Variants in GABRB2 observed in about 807,000 individuals in gnomAD.
GABRB2 encodes the protein gamma-aminobutyric acid receptor subunit beta-2.
Under a neutral mutation model 54.7 loss-of-function variants are expected in GABRB2, and 16 were observed. That is an observed-to-expected ratio of 0.29 (90% CI 0.20 to 0.44). The LOEUF is 0.44. GABRB2 is among the 20% of genes least tolerant of loss of function. The pLI is 1.00. For synonymous variants in GABRB2, 244 were observed against 233.8 expected, an observed-to-expected ratio of 1.04 and a Z score of -0.40; for missense variants, 355 against 644.0, an observed-to-expected ratio of 0.55 and a Z score of 4.86.
chr5:161,383,311 A>T (rs143943156), intron 5 of GABRB2, among the ~76,000 whole-genome samples: 2,913 of 151,960 alleles, frequency 0.019, 39 homozygotes, highest in Middle Eastern at 0.082. Context: ...CTCTGTTTTT[A>T]TGAGTTCAAC....
intron 5 of GABRB2, among the ~76,000 whole-genome samples, chr5:161,388,895 T>G (rs906958451): frequency 6.6e-6 from 1 of 152,012 alleles, no homozygotes; most frequent in African/African-American, 2.4e-5. Flanking sequence ...AATATCCATA[T>G]AATGTGCCAT....
At position 161,525,112 on chromosome 5, in the gene GABRB2, T is replaced by C. The variant is rs189847843; in HGVS notation, c.237+20115A>G. Among the ~76,000 whole-genome samples the C allele has an allele frequency of 2.2e-3, 328 of 151,432 alleles. 2 individuals are homozygous for C. The highest frequency in any genetic ancestry group is 6.8e-3 in the Middle Eastern group (2 of 294). ...TATAGTCTCTCTTCTAGCTACTCAA[T>C]TCTGTGTTGGGAGTGCAAAAGCAAG... is the stretch of plus-strand genomic sequence containing the variant. On this transcript the variant is annotated intron_variant, in intron 3 of 9. Coordinates refer to ENST00000393959, the MANE Select transcript of GABRB2 (RefSeq NM_001371727.1).
intron 5 of GABRB2, among the ~76,000 whole-genome samples, chr5:161,404,140 A>G (rs1756281921): frequency 6.6e-6 from 1 of 152,162 alleles, no homozygotes; most frequent in African/African-American, 2.4e-5. Flanking sequence ...GAGGTTCAAC[A>G]TGCACATCCA....
chr5:161,424,622 A>C (rs546633801), intron 4 of GABRB2, among the ~76,000 whole-genome samples: 1 of 152,214 alleles, frequency 6.6e-6, no homozygotes, highest in South Asian at 2.1e-4. Context: ...TTGACAATGC[A>C]CCTGGTCACC....
intron 4 of GABRB2, among the ~76,000 whole-genome samples, chr5:161,428,520 G>A (rs1757078566): frequency 6.6e-6 from 1 of 152,002 alleles, no homozygotes; most frequent in Non-Finnish European, 1.5e-5. Context: ...GGGAGTTAAG[G>A]CAAGTATAAG....
intron 5 of GABRB2, among the ~76,000 whole-genome samples, chr5:161,383,722 C>G (rs1580936664): frequency 6.6e-6 from 1 of 152,162 alleles, no homozygotes; most frequent in South Asian, 2.1e-4. Flanking sequence ...ACATCCAACC[C>G]TCTTCCCCCA....
chr5:161,299,137 C>G (rs1315929222), intron 9 of GABRB2, among the ~76,000 whole-genome samples: 2 of 152,182 alleles, frequency 1.3e-5, no homozygotes, highest in Non-Finnish European at 2.9e-5. Flanking sequence ...AAATATGTCA[C>G]TAAATTTCAG....
At chr5:161,385,067 A>G (rs1367497919) in intron 5 of GABRB2, among the ~76,000 whole-genome samples, 1 of 152,138 alleles carries the variant, frequency 6.6e-6, no homozygotes, top group African/African-American at 2.4e-5. Flanking sequence ...AGCAATCCCC[A>G]GCTGCAGCTG....
chr5:161,503,223 G>T (rs1759502274), intron 3 of GABRB2, among the ~76,000 whole-genome samples: 1 of 151,752 alleles, frequency 6.6e-6, no homozygotes, highest in Non-Finnish European at 1.5e-5. Context: ...AAAAGGATGT[G>T]TATAATAAGA....
intron 9 of GABRB2, among the ~76,000 whole-genome samples, chr5:161,319,995 ATTGT>A (rs1457707875): frequency 6.6e-6 from 1 of 151,444 alleles, no homozygotes; most frequent in African/African-American, 2.4e-5. Flanking sequence ...TTAATGTTTA[ATTGT>A]TATGCTTTTA....
At chr5:161,378,892 T>C (rs1755385229) in intron 5 of GABRB2, among the ~76,000 whole-genome samples, 1 of 152,162 alleles carries the variant, frequency 6.6e-6, no homozygotes, top group Non-Finnish European at 1.5e-5. Flanking sequence ...GAAGGCAACA[T>C]ATGTTGCAAA....
At chr5:161,496,859 G>A (rs191728317) in intron 3 of GABRB2, among the ~76,000 whole-genome samples, 11 of 151,848 alleles carry the variant, frequency 7.2e-5, no homozygotes, top group Admixed American at 6.6e-4. Context: ...ACATCTTTAT[G>A]CCCTTGGCAA....
intron 9 of GABRB2, among the ~76,000 whole-genome samples, chr5:161,312,084 C>T (rs1006773573): frequency 2.0e-5 from 3 of 151,874 alleles, no homozygotes; most frequent in Non-Finnish European, 2.9e-5. Context: ...AACCAAGGTA[C>T]TGACTAAACC....
intron 5 of GABRB2, among the ~76,000 whole-genome samples, chr5:161,392,046 C>G (rs1433565824): frequency 6.6e-6 from 1 of 152,142 alleles, no homozygotes; most frequent in Non-Finnish European, 1.5e-5. Context: ...AATGTGGGGT[C>G]CCTTGCTCAT....
In GABRB2 at chr5:161,359,730, A is replaced by G. The variant is rs183445176; in HGVS notation, c.542-22961T>C. On this transcript the variant is annotated intron_variant, in intron 5 of 9. Transcript: ENST00000393959. The stretch of plus-strand genomic sequence containing the variant: ...ATAACTGGGATTTTTATTAGGCTAG[A>G]AAAGCACTACAGATGAAAGATCAAT... Among the ~76,000 whole-genome samples the G allele has an allele frequency of 1.4e-3, 213 of 152,350 alleles. 1 individual carries two copies. Among genetic ancestry groups the G allele is most frequent in the Admixed American group, 2.0e-3 (31 of 15,298 alleles).
At chr5:161,513,589 T>C (rs1759842564) in intron 3 of GABRB2, among the ~76,000 whole-genome samples, 1 of 151,936 alleles carries the variant, frequency 6.6e-6, no homozygotes, top group Non-Finnish European at 1.5e-5. Flanking sequence ...TGGATACTCA[T>C]GGACATACAG....
At chr5:161,302,044 T>TA (rs1186817458) in intron 9 of GABRB2, among the ~76,000 whole-genome samples, 6 of 152,242 alleles carry the variant, frequency 3.9e-5, no homozygotes, top group Non-Finnish European at 8.8e-5. Context: ...TTATTTGCAC[T>TA]AACATTCCAG....
chr5:161,341,937 T>TTATATATATATATATA lies in GABRB2; in HGVS notation c.542-5184_542-5169dup, dbSNP rs1237952955. 5.5e-3 allele frequency among the ~76,000 whole-genome samples: 415 copies of TTATATATATATATATA among 75,468 alleles called. 5 individuals carry two copies. The highest frequency in any genetic ancestry group is 0.016 in the East Asian group (36 of 2,194). The allele number at this position is 75,468 out of a possible 152,430, so 49.5% of individuals were successfully genotyped here. A position where few individuals can be genotyped will look rare whatever the true frequency, so the allele number is the denominator to read the frequency against. On this transcript the variant is annotated intron_variant, in intron 5 of 9. Coordinates refer to ENST00000393959, the MANE Select transcript of GABRB2 (RefSeq NM_001371727.1). The stretch of plus-strand genomic sequence containing the variant: ...TTAATGCCACTATTTATTTTTTCTT[T>TTATATATATATATATA]TATATATATATATATATATATATAT...
intron 4 of GABRB2, among the ~76,000 whole-genome samples, chr5:161,452,866 C>T (rs1350703978): frequency 1.3e-5 from 2 of 152,080 alleles, no homozygotes; most frequent in African/African-American, 4.8e-5. Flanking sequence ...TGTGATGGCA[C>T]ATGCCTGTAG....
Sources: allele counts gnomAD v4.1 joint callset (sites outside exome capture counted in the v4.1 genomes callset), GRCh38; gene constraint gnomAD v4.1.1; transcripts MANE v1.5; gene names NCBI Gene and HGNC (gene_info 2026-07-23, HGNC 2026-07-21).